Variants in GAL3ST4 observed in about 807,000 individuals in gnomAD.
GAL3ST4 encodes beta-galactose-3-O-sulfotransferase 4.
Under a neutral mutation model 31.6 loss-of-function variants are expected in GAL3ST4, and 30 were observed. The ratio of observed to expected loss-of-function variants is 0.95; its 90% CI spans 0.71 to 1.29. The LOEUF (loss-of-function observed/expected upper bound fraction) is 1.29, where lower values mean the gene tolerates loss of function less well. Among genes scored for constraint, GAL3ST4 ranks in the 50% most tolerant of loss-of-function variants. The pLI is 0.00. For synonymous variants in GAL3ST4, 248 were observed against 256.9 expected, an observed-to-expected ratio of 0.97 and a Z score of 0.33; for missense variants, 629 against 625.2, an observed-to-expected ratio of 1.01 and a Z score of -0.06.
intron 3 of GAL3ST4, among the ~76,000 whole-genome samples, chr7:100,165,829 A>ACACACACC (rs1251607215): frequency 6.7e-6 from 1 of 149,828 alleles, no homozygotes. Flanking sequence ...TCACACACAC[A>ACACACACC]CACACACACA....
At position 100,168,039 on chromosome 7, in the gene GAL3ST4, CAGAG is replaced by C. The variant is rs150040950; in HGVS notation, c.-189+503_-189+506del. ...ACACACACACACACACACAGAGAAACAGAGAGAGAGAGACAGAGGGACAGAGAGA... is the reference window on the plus strand; with the variant it reads ...ACACACACACACACACACAGAGAAACAGAGAGAGACAGAGGGACAGAGAGA... On this transcript the variant is annotated intron_variant, in intron 1 of 3. Coordinates refer to ENST00000360039, the MANE Select transcript of GAL3ST4 (RefSeq NM_024637.5). The surrounding 1 kb of genome is among the most constrained non-coding windows in gnomAD (Gnocchi z 4.1). 0.21 allele frequency: 32,115 copies of C among 150,112 alleles called. 4,238 individuals are homozygous for C. The highest frequency in any genetic ancestry group is 0.43 in the Middle Eastern group (127 of 294). 9.3% of individuals were successfully genotyped at this position (150,112 alleles called of 1,614,324 possible).
rs138298556 is a variant in GAL3ST4, at chr7:100,160,316, C to T, written c.1073G>A (p.Arg358Gln). Residue 358 changes from arginine (R) to glutamine (Q), a missense_variant, in exon 4 of 4, where the codon CGG (arginine) becomes CAG (glutamine). Coordinates refer to ENST00000360039, the MANE Select transcript of GAL3ST4 (RefSeq NM_024637.5). ...GTCCAGGTTGTTCCAGGCTCGGGCC[C>T]GTGCAGTCAGCTGCCGGTCCTCCGC... ...LTAEDRQLTA[R>Q]ARAWNNLDWA... The T allele has an allele frequency of 6.3e-5, 102 of 1,613,824 alleles. No homozygotes were observed. Among genetic ancestry groups the T allele is most frequent in the African/African-American group, 5.5e-4 (41 of 75,056 alleles).
At chr7:100,167,522 G>A (rs1799093925) in intron 1 of GAL3ST4, 2 of 197,996 alleles carry the variant, frequency 1.0e-5, no homozygotes, top group South Asian at 1.7e-4. Context: ...ATAAGGGAAG[G>A]AGAGAAAAAG....
In GAL3ST4 at chr7:100,167,126, G is replaced by A. The variant is rs540271797; in HGVS notation, c.-31C>T. 7.3e-5 allele frequency: 114 copies of A among 1,552,278 alleles called. No individual in the cohort carries two copies. In the African/African-American group the frequency reaches 1.3e-3, roughly 17 times the overall value. ...ACAGGGAAGGGTGAGGTGACAGAGA[G>A]ATGGAGCCAGGGCCAGGAAGAGGGG... On this transcript the variant is annotated 5_prime_UTR_variant, in exon 2 of 4. Coordinates refer to ENST00000360039, the MANE Select transcript of GAL3ST4 (RefSeq NM_024637.5).
chr7:100,166,473 G>A (rs750923288), intron 3 of GAL3ST4, 29 bp downstream of exon 3: 1 of 1,581,824 alleles, frequency 6.3e-7, no homozygotes, highest in Non-Finnish European at 8.6e-7. Flanking sequence ...TCTGTTTCTG[G>A]TCCCTCCCAC....
At position 100,166,973 on chromosome 7, in the gene GAL3ST4, C is replaced by G. The variant is rs758547626; in HGVS notation, c.123G>C (p.Arg41Ser). The change falls in exon 2 of 4, where the codon AGG becomes AGC. Residue 41 changes from arginine (R) to serine (S), a missense_variant and splice_region_variant. Coordinates refer to ENST00000360039, the MANE Select transcript of GAL3ST4 (RefSeq NM_024637.5). ...ALQLLGGPFQRRLPGLQLRQP... is the reference protein window; with the variant it reads ...ALQLLGGPFQSRLPGLQLRQP... The stretch of plus-strand genomic sequence containing the variant: ...GTTGGGGCAAAGTGGGAACTCACCT[C>G]CTCTGGAAGGGCCCTCCCAAGAGCT... The G allele has an allele frequency of 6.3e-7, 1 of 1,592,770 alleles. No homozygotes were observed. The highest frequency in any genetic ancestry group is 1.3e-5 in the African/African-American group (1 of 74,886).
rs769946171 is a variant in GAL3ST4 at position 100,166,700 on chromosome 7, G to A, written c.231C>T (p.Ser77=). The change falls in exon 3 of 4, where the codon TCC becomes TCT. Residue 77 remains serine, a synonymous_variant. Transcript: ENST00000360039. ...QRLVFLKTHK[S]GSSSVLSLLH... ...GCAGGCTCAGCACAGAGCTGCTCCC[G>A]GATTTATGTGTCTTCAGGAACACCA... The A allele has an allele frequency of 3.6e-5, 58 of 1,614,034 alleles. 1 individual carries two copies. In the East Asian group the frequency reaches 3.8e-4, roughly 11 times the overall value.
rs868837350 is a variant in GAL3ST4, at chr7:100,167,173, G to T, written c.-78C>A. 5.8e-6 allele frequency: 9 copies of T among 1,550,398 alleles called. No homozygotes were observed. The Admixed American group carries it at 1.4e-4, about 24-fold the overall frequency. On this transcript the variant is annotated 5_prime_UTR_variant, in exon 2 of 4. Coordinates refer to ENST00000360039, the MANE Select transcript of GAL3ST4 (RefSeq NM_024637.5). ...GGGGCAGAGACAGCTGGAGACAGCC[G>T]TGCAGCTGCGGAAGGCACTGGTTGG...
rs1798990081 is a variant in GAL3ST4, at chr7:100,160,779, G to T, written c.610C>A (p.His204Asn). The change falls in exon 4 of 4, where the codon CAC becomes AAC. Residue 204 changes from histidine to asparagine, a missense_variant. Transcript: ENST00000360039. ...GFYRPGARGD[H>N]YARNLLWFDF... is the part of the protein sequence containing the mutation. ...AACCATAGTAAGTTGCGAGCGTAGTGGTCCCCACGGGCCCCAGGCCTGTAG... is the reference window on the plus strand; with the variant it reads ...AACCATAGTAAGTTGCGAGCGTAGTTGTCCCCACGGGCCCCAGGCCTGTAG... The T allele has an allele frequency of 1.2e-6, 2 of 1,614,102 alleles. No homozygotes were observed. The highest frequency in any genetic ancestry group is 1.7e-6 in the Non-Finnish European group (2 of 1,180,042).
chr7:100,161,019 A>C, intron 3 of GAL3ST4, 60 bp from the exon 4 acceptor site: 1 of 1,423,700 alleles, frequency 7.0e-7, no homozygotes, highest in Non-Finnish European at 9.4e-7. Context: ...ATGCATAAGT[A>C]TGCACAAGCC....
intron 3 of GAL3ST4, among the ~76,000 whole-genome samples, chr7:100,165,819 T>TCACACACACACA (rs61284255): frequency 0.047 from 6,347 of 136,210 alleles, 267 homozygotes; most frequent in East Asian, 0.076. Flanking sequence ...AGACCCTGTC[T>TCACACACACACA]CACACACACA....
Position 100,168,166 on chromosome 7 carries a change from T to G in GAL3ST4, c.-189+380A>C, listed in dbSNP as rs140367586. ...TCAACCGGGAGTCCAGCCCCGCCCC[T>G]TCAGATTACAACTCGCGATCAGGGA... On this transcript the variant is annotated intron_variant, in intron 1 of 3. Transcript: ENST00000360039. This position sits in a 1 kb window ranked among gnomAD's most constrained non-coding sequence, Gnocchi z 4.1. The G allele has an allele frequency of 0.021, 3,213 of 152,172 alleles. 61 individuals carry two copies. Among genetic ancestry groups the G allele is most frequent in the Non-Finnish European group, 0.029 (2,001 of 68,046 alleles). The allele number at this position is 152,172 out of a possible 1,614,324, so 9.4% of individuals were successfully genotyped here.
rs1798958365 is a variant in GAL3ST4 at position 100,159,435 on chromosome 7, A to T, written c.*493T>A. ...ATCTGCCTTGGGGCAGGAAAGGGGA[A>T]GGGGAGGTCAGGCCTAGTGGCTCAC... On this transcript the variant is annotated 3_prime_UTR_variant, in exon 4 of 4. Coordinates refer to ENST00000360039, the MANE Select transcript of GAL3ST4 (RefSeq NM_024637.5). 6.4e-6 allele frequency: 1 copy of T among 155,902 alleles called. No homozygotes were observed. The highest frequency in any genetic ancestry group is 1.4e-5 in the Non-Finnish European group (1 of 70,306). 9.7% of individuals were successfully genotyped at this position (155,902 alleles called of 1,614,324 possible).
At chr7:100,165,367 C>T (rs1398821638) in intron 3 of GAL3ST4, among the ~76,000 whole-genome samples, 5 of 152,148 alleles carry the variant, frequency 3.3e-5, no homozygotes, top group Non-Finnish European at 5.9e-5. Context: ...GACAGGGTTT[C>T]ACCATGTTGG....
intron 2 of GAL3ST4, 52 bp downstream of exon 2, chr7:100,166,919 G>A: frequency 1.3e-6 from 2 of 1,576,818 alleles, no homozygotes; most frequent in Non-Finnish European, 8.6e-7. Context: ...GTGGGATGGG[G>A]AAGAGCAAGT....
rs1393611199 is a variant in GAL3ST4, at chr7:100,166,430, G to T, written c.429+72C>A. On this transcript the variant is annotated intron_variant, in intron 3 of 3. Transcript: ENST00000360039. ...ATGCCTGGGGAGCCCCCAGGTCTGG[G>T]CCCCCTCCCTTGGTGGTGTCAGCCT... The T allele has an allele frequency of 7.4e-6, 11 of 1,490,208 alleles. No homozygotes were observed. The South Asian group carries it at 1.2e-4, about 16-fold the overall frequency. The allele number at this position is 1,490,208 out of a possible 1,614,324, so 92.3% of individuals were successfully genotyped here.
chr7:100,162,758 A>C (rs1799021350), intron 3 of GAL3ST4, among the ~76,000 whole-genome samples: 1 of 151,538 alleles, frequency 6.6e-6, no homozygotes, highest in Admixed American at 6.6e-5. Flanking sequence ...CAGGTGCAGC[A>C]AACCACCGTG....
At chr7:100,165,885 C>G (rs1228945118) in intron 3 of GAL3ST4, among the ~76,000 whole-genome samples, 1 of 151,104 alleles carries the variant, frequency 6.6e-6, no homozygotes, top group Non-Finnish European at 1.5e-5. Flanking sequence ...CTCCTGTAAT[C>G]CCAACCCTTT....
intron 3 of GAL3ST4, among the ~76,000 whole-genome samples, chr7:100,161,689 T>C (rs1324876202): frequency 6.8e-6 from 1 of 147,220 alleles, no homozygotes; most frequent in Non-Finnish European, 1.5e-5. Context: ...AGTTAGCAGG[T>C]CAATCAATGA....
Sources: allele counts gnomAD v4.1 joint callset (sites outside exome capture counted in the v4.1 genomes callset), GRCh38; gene constraint gnomAD v4.1.1; non-coding constraint Gnocchi (gnomAD v3.1); transcripts MANE v1.5; gene names NCBI Gene and HGNC (gene_info 2026-07-23, HGNC 2026-07-21).